The following FLRT1 variants were observed in gnomAD, a reference collection of about 807,000 sequenced individuals.
The protein encoded by FLRT1 is fibronectin leucine rich transmembrane protein 1, also known as leucine-rich repeat transmembrane protein FLRT1.
A neutral mutation model predicts 30.9 loss-of-function variants in FLRT1; 14 were observed. The ratio of observed to expected loss-of-function variants is 0.45; its 90% CI spans 0.30 to 0.71. FLRT1 has a LOEUF of 0.71. Among genes scored for constraint, FLRT1 ranks in the 30% least tolerant of loss-of-function variants. The pLI is 0.08. For synonymous variants in FLRT1, 368 were observed against 430.4 expected (o/e 0.85, Z 1.80); for missense variants, 737 against 949.2 (o/e 0.78, Z 2.94).
chr11:64,093,021 G>C (rs1944517004), intron 1 of FLRT1, among the ~76,000 whole-genome samples: 1 of 152,186 alleles, frequency 6.6e-6, no homozygotes. Flanking sequence ...GGAGTGGCTG[G>C]TGTGGCCTTG....
chr11:64,106,268 G>A (rs948604767), intron 2 of FLRT1, among the ~76,000 whole-genome samples: 1 of 152,128 alleles, frequency 6.6e-6, no homozygotes, highest in African/African-American at 2.4e-5. Flanking sequence ...TTGGGCTGCT[G>A]TGGTGAGGGC....
rs117569191 is a variant in FLRT1 at position 64,084,416 on chromosome 11, G to A, written c.-1037-18778G>A. ...GCTGCCTGAGCTGCCTACCTTTCCC[G>A]CGAAGCCCCCTCCCTGCACTGTGGG... is the stretch of plus-strand genomic sequence containing the variant. On this transcript the variant is annotated intron_variant, in intron 1 of 2. Coordinates refer to ENST00000682287, the MANE Select transcript of FLRT1 (RefSeq NM_013280.5). 4.5e-4 allele frequency among the ~76,000 whole-genome samples: 68 copies of A among 152,186 alleles called. 3 individuals are homozygous for A. In the East Asian group the frequency reaches 0.013, roughly 29 times the overall value.
intron 1 of FLRT1, among the ~76,000 whole-genome samples, chr11:64,052,047 C>T (rs987566995): frequency 4.0e-5 from 6 of 151,442 alleles, no homozygotes; most frequent in African/African-American, 1.2e-4. Flanking sequence ...TCTAGGGGGG[C>T]ATTTTGGGAA....
chr11:64,047,631 T>C (rs1943609661), intron 1 of FLRT1, among the ~76,000 whole-genome samples: 1 of 152,098 alleles, frequency 6.6e-6, no homozygotes. Flanking sequence ...GCGCGGTGGC[T>C]TATGCTTGTA....
chr11:64,074,191 C>T (rs535094050), intron 1 of FLRT1, among the ~76,000 whole-genome samples: 17 of 152,298 alleles, frequency 1.1e-4, no homozygotes, highest in South Asian at 6.2e-4. Flanking sequence ...ATGGGGAAAC[C>T]GAGGCAGAGA....
At chr11:64,057,963 C>T (rs1289831188) in intron 1 of FLRT1, among the ~76,000 whole-genome samples, 1 of 152,244 alleles carries the variant, frequency 6.6e-6, no homozygotes, top group Non-Finnish European at 1.5e-5. Context: ...CAAGACAACG[C>T]TGCCACTGCC....
At chr11:64,093,230 T>C (rs1461823873) in intron 1 of FLRT1, among the ~76,000 whole-genome samples, 1 of 152,208 alleles carries the variant, frequency 6.6e-6, no homozygotes, top group Non-Finnish European at 1.5e-5. Context: ...CTACTGTTGT[T>C]AGTATTATTA....
intron 1 of FLRT1, among the ~76,000 whole-genome samples, chr11:64,050,911 G>A (rs376325385): frequency 9.2e-4 from 140 of 152,324 alleles, no homozygotes; most frequent in African/African-American, 3.3e-3. Context: ...GAGCCACCGC[G>A]CCCGGCCACA....
chr11:64,056,044 T>G (rs970549033), intron 1 of FLRT1, among the ~76,000 whole-genome samples: 3 of 152,184 alleles, frequency 2.0e-5, no homozygotes, highest in Non-Finnish European at 4.4e-5. Flanking sequence ...TTGTCCTCCC[T>G]GTGGGCCAGG....
rs777092995 is a variant in FLRT1, at chr11:64,116,284, C to A, written c.17C>A (p.Pro6His). The A allele has an allele frequency of 1.4e-5, 23 of 1,598,782 alleles. No individual in the cohort carries two copies. Among genetic ancestry groups the A allele is most frequent in the African/African-American group, 2.7e-5 (2 of 74,834 alleles). ...CCATCCACCATGGTGGTGGCACACCCCACCGCCACTGCCACCACCACGCCC... is the reference window on the plus strand; with the variant it reads ...CCATCCACCATGGTGGTGGCACACCACACCGCCACTGCCACCACCACGCCC... MVVAH[P>H]TATATTTPTA... Residue 6 changes from proline (P) to histidine (H), a missense_variant, in exon 3 of 3, where the codon CCC (proline) becomes CAC (histidine). Physicochemically the swap from Pro to His is moderately conservative, Grantham distance 77 (BLOSUM62 -2). Coordinates refer to ENST00000682287, the MANE Select transcript of FLRT1 (RefSeq NM_013280.5).
chr11:64,067,003 C>G lies in FLRT1; in HGVS notation c.-1038+30844C>G, dbSNP rs145748414. Among the ~76,000 whole-genome samples, 5 of 152,204 alleles carry G rather than the reference C, an allele frequency of 3.3e-5. No homozygotes were observed. Among genetic ancestry groups the G allele is most frequent in the African/African-American group, 1.2e-4 (5 of 41,442 alleles). On this transcript the variant is annotated intron_variant, in intron 1 of 2. Transcript: ENST00000682287. This position sits in a 1 kb window ranked among gnomAD's most constrained non-coding sequence, Gnocchi z 4.6. Reference sequence around the variant, plus strand: ...CTGGCATCCCAAGCCTCTGCCCTCACGCTAGGCAGTCCCTGGGGAGATTGG... The same window carrying G: ...CTGGCATCCCAAGCCTCTGCCCTCAGGCTAGGCAGTCCCTGGGGAGATTGG...
At chr11:64,083,418 C>T (rs1404196987) in intron 1 of FLRT1, among the ~76,000 whole-genome samples, 1 of 152,166 alleles carries the variant, frequency 6.6e-6, no homozygotes, top group East Asian at 1.9e-4. Context: ...CCTGGCAACA[C>T]TGCCTGGGCA....
At chr11:64,051,365 C>A (rs559779498) in intron 1 of FLRT1, among the ~76,000 whole-genome samples, 2 of 152,124 alleles carry the variant, frequency 1.3e-5, no homozygotes, top group African/African-American at 4.8e-5. Context: ...CGTGTGGTCA[C>A]GAGCTAGAGA....
chr11:64,061,476 C>T (rs1020724786), intron 1 of FLRT1, among the ~76,000 whole-genome samples: 2 of 152,196 alleles, frequency 1.3e-5, no homozygotes, highest in Non-Finnish European at 2.9e-5. Context: ...AAGTCCCCTG[C>T]CTCTGACCCC....
In FLRT1 at chr11:64,059,314, G is replaced by T. The variant is rs187881501; in HGVS notation, c.-1038+23155G>T. ...CTTGCGGGTCCTGGCTCCACTGAAG[G>T]TGGATGCGTGTAGCCACCGACATGG... On this transcript the variant is annotated intron_variant, in intron 1 of 2. Transcript: ENST00000682287. Among the ~76,000 whole-genome samples the T allele has an allele frequency of 7.7e-4, 117 of 152,292 alleles. 1 individual carries two copies. The highest frequency in any genetic ancestry group is 2.7e-3 in the African/African-American group (113 of 41,546).
intron 1 of FLRT1, among the ~76,000 whole-genome samples, chr11:64,094,665 C>T (rs1289946036): frequency 6.6e-6 from 1 of 152,204 alleles, no homozygotes; most frequent in Non-Finnish European, 1.5e-5. Context: ...GTGGCTGCTG[C>T]GGGCGGGACC....
intron 1 of FLRT1, among the ~76,000 whole-genome samples, chr11:64,079,411 G>A (rs1428235418): frequency 5.3e-5 from 8 of 152,078 alleles, no homozygotes; most frequent in Admixed American, 3.3e-4. Context: ...GGGGATGGGG[G>A]GGTGTGCGAA....
intron 1 of FLRT1, among the ~76,000 whole-genome samples, chr11:64,061,913 C>G (rs1943912548): frequency 7.8e-6 from 1 of 127,992 alleles, no homozygotes; most frequent in Non-Finnish European, 1.6e-5. Context: ...CGGAGTCTTG[C>G]TATGTTGCCC....
Position 64,085,569 on chromosome 11 carries a change from C to T in FLRT1, c.-1037-17625C>T, listed in dbSNP as rs554287868. ...TCCACTAAGTACGTCCCCTGCCGCC[C>T]GCCCGGGTCCACCCCAGGCCGCAGC... is the stretch of plus-strand genomic sequence containing the variant. On this transcript the variant is annotated intron_variant, in intron 1 of 2. Transcript: ENST00000682287. Among the ~76,000 whole-genome samples the T allele has an allele frequency of 1.4e-4, 22 of 152,330 alleles. No individual in the cohort carries two copies. In the South Asian group the frequency reaches 3.3e-3, roughly 23 times the overall value.
Sources: allele counts gnomAD v4.1 joint callset (sites outside exome capture counted in the v4.1 genomes callset), GRCh38; gene constraint gnomAD v4.1.1; non-coding constraint Gnocchi (gnomAD v3.1); transcripts MANE v1.5; gene names NCBI Gene and HGNC (gene_info 2026-07-23, HGNC 2026-07-21).